The following PLPP1 variants were observed in gnomAD, a reference collection of about 807,000 sequenced individuals.
PLPP1 encodes the protein phospholipid phosphatase 1.
PLPP1 carries 24 observed loss-of-function variants against 31.2 expected under a neutral mutation model. The observed-to-expected ratio is 0.77, with a 90% CI of 0.56 to 1.08. The LOEUF (loss-of-function observed/expected upper bound fraction) is 1.08, where lower values mean the gene tolerates loss of function less well. Ranked by LOEUF, PLPP1 falls within the 50% of genes least tolerant of loss-of-function variation. The pLI is 0.00. For synonymous variants in PLPP1, 146 were observed against 126.3 expected (o/e 1.16, Z -1.05); for missense variants, 319 against 342.7 (o/e 0.93, Z 0.55).
chr5:55,499,889 AATATATTTATATTTCACAT>A (rs1753097319), intron 1 of PLPP1, among the ~76,000 whole-genome samples: 1 of 151,842 alleles, frequency 6.6e-6, no homozygotes, highest in Admixed American at 6.6e-5. Context: ...AATCCGGTAG[AATATATTTATATTTCACAT>A]ATATATTTAT....
Position 55,508,603 on chromosome 5 carries a change from C to T in PLPP1, c.58+25969G>A, listed in dbSNP as rs1279543424. Among the ~76,000 whole-genome samples the T allele has an allele frequency of 2.0e-5, 3 of 152,276 alleles. No homozygotes were observed. The East Asian group carries it at 5.8e-4, about 29-fold the overall frequency. ...GACAAGTAACTTAATTAAAATCATA[C>T]ATATAATAAACAGGGTGAAATTAAA... On this transcript the variant is annotated intron_variant, in intron 1 of 5. Transcript: ENST00000307259.
Position 55,429,922 on chromosome 5 carries a change from G to A in PLPP1, c.550-3883C>T, listed in dbSNP as rs111985761. ...CACAAAAACACCCCTACCTACCACA[G>A]CCAAGCCCTATACACACCACTGAGG... On this transcript the variant is annotated intron_variant, in intron 4 of 5. Coordinates refer to ENST00000307259, the MANE Select transcript of PLPP1 (RefSeq NM_003711.4). 5.8e-3 allele frequency among the ~76,000 whole-genome samples: 888 copies of A among 152,092 alleles called. 7 individuals carry two copies. Among genetic ancestry groups the A allele is most frequent in the African/African-American group, 0.021 (855 of 41,478 alleles).
At chr5:55,442,463 C>T (rs546043310) in intron 3 of PLPP1, among the ~76,000 whole-genome samples, 1 of 152,164 alleles carries the variant, frequency 6.6e-6, no homozygotes, top group African/African-American at 2.4e-5. Flanking sequence ...ACCATCCTGG[C>T]CAACATGGTG....
intron 3 of PLPP1, among the ~76,000 whole-genome samples, chr5:55,448,986 GAAT>G (rs1429418442): frequency 2.0e-5 from 3 of 152,110 alleles, no homozygotes; most frequent in African/African-American, 7.2e-5. Flanking sequence ...ATTGATTAGG[GAAT>G]AATGGCAAGA....
intron 1 of PLPP1, among the ~76,000 whole-genome samples, chr5:55,521,619 C>T (rs539554616): frequency 6.6e-6 from 1 of 152,290 alleles, no homozygotes; most frequent in East Asian, 1.9e-4. Flanking sequence ...CCTTGTCTCA[C>T]TCATTCTTAG....
intron 5 of PLPP1, 147 bp from the exon 6 acceptor site, chr5:55,425,481 C>T: frequency 1.4e-6 from 1 of 709,690 alleles, no homozygotes; most frequent in Non-Finnish European, 2.1e-6. Flanking sequence ...TAGAGACTAA[C>T]TGGGATTTTT....
intron 2 of PLPP1, among the ~76,000 whole-genome samples, chr5:55,472,658 G>GAA (rs1561236440): frequency 8.4e-5 from 3 of 35,786 alleles, no homozygotes; most frequent in Admixed American, 4.5e-4. Flanking sequence ...AAGAAAGAAA[G>GAA]AGAGAGAGAG....
chr5:55,505,928 A>T (rs1378982350), intron 1 of PLPP1, among the ~76,000 whole-genome samples: 1 of 152,136 alleles, frequency 6.6e-6, no homozygotes, highest in African/African-American at 2.4e-5. Flanking sequence ...ATGATGGCGC[A>T]TGCCTGTGCT....
intron 1 of PLPP1, among the ~76,000 whole-genome samples, chr5:55,504,951 T>C (rs1462494238): frequency 1.3e-5 from 2 of 151,786 alleles, no homozygotes; most frequent in African/African-American, 4.8e-5. Flanking sequence ...GCTTGAACTA[T>C]AGGTGCACAT....
At chr5:55,491,625 A>G (rs529097118) in intron 1 of PLPP1, among the ~76,000 whole-genome samples, 3 of 152,272 alleles carry the variant, frequency 2.0e-5, no homozygotes, top group Admixed American at 2.0e-4. Flanking sequence ...TGGGAGGCCA[A>G]GGTGGGCAGA....
At chr5:55,458,582 C>A (rs949226336) in intron 3 of PLPP1, among the ~76,000 whole-genome samples, 10 of 151,784 alleles carry the variant, frequency 6.6e-5, no homozygotes, top group Non-Finnish European at 1.2e-4. Context: ...AACAAAGAGA[C>A]GAAACATAGA....
intron 3 of PLPP1, among the ~76,000 whole-genome samples, chr5:55,442,157 A>C (rs768283182): frequency 2.0e-5 from 3 of 152,192 alleles, no homozygotes; most frequent in Non-Finnish European, 4.4e-5. Flanking sequence ...CATGAAAATA[A>C]ACTTGCCAAG....
chr5:55,502,312 C>A (rs1393695725), intron 1 of PLPP1, among the ~76,000 whole-genome samples: 2 of 152,110 alleles, frequency 1.3e-5, no homozygotes, highest in African/African-American at 4.8e-5. Context: ...CATGGTGAAA[C>A]CCCGTCTCTA....
intron 1 of PLPP1, among the ~76,000 whole-genome samples, chr5:55,533,829 A>C (rs1740771556): frequency 6.6e-6 from 1 of 152,170 alleles, no homozygotes; most frequent in Non-Finnish European, 1.5e-5. Context: ...AAAAGAAAGG[A>C]GTAACTGGCA....
chr5:55,456,720 A>G (rs1275998286), intron 3 of PLPP1, among the ~76,000 whole-genome samples: 6 of 152,226 alleles, frequency 3.9e-5, no homozygotes, highest in African/African-American at 1.4e-4. Context: ...CAGCTCTGAA[A>G]TTGGCAACAA....
chr5:55,477,378 C>T (rs1231705186), intron 1 of PLPP1, among the ~76,000 whole-genome samples: 1 of 147,408 alleles, frequency 6.8e-6, no homozygotes, highest in Non-Finnish European at 1.5e-5. Context: ...AAAAGAACCA[C>T]TACTTCTTTT....
chr5:55,434,719 A>G (rs1205851696), intron 4 of PLPP1, among the ~76,000 whole-genome samples: 2 of 152,178 alleles, frequency 1.3e-5, no homozygotes, highest in Admixed American at 1.3e-4. Context: ...TTGGATATCC[A>G]TATGCAGAAG....
At chr5:55,444,997 G>A (rs577377945) in intron 3 of PLPP1, among the ~76,000 whole-genome samples, 46 of 151,836 alleles carry the variant, frequency 3.0e-4, no homozygotes, top group Non-Finnish European at 6.0e-4. Flanking sequence ...TGATCTGCCC[G>A]CCTCGGCCTC....
At chr5:55,475,023 A>T (rs932702128) in intron 2 of PLPP1, among the ~76,000 whole-genome samples, 2 of 152,018 alleles carry the variant, frequency 1.3e-5, no homozygotes, top group Non-Finnish European at 2.9e-5. Context: ...ATATTATAGT[A>T]TCCAACTCCG....
Sources: allele counts gnomAD v4.1 joint callset (sites outside exome capture counted in the v4.1 genomes callset), GRCh38; gene constraint gnomAD v4.1.1; transcripts MANE v1.5; gene names NCBI Gene and HGNC (gene_info 2026-07-23, HGNC 2026-07-21).